The following GNA12 variants were observed in gnomAD, a reference collection of about 807,000 sequenced individuals.
The protein encoded by GNA12 is G protein subunit alpha 12.
A neutral mutation model predicts 26.0 loss-of-function variants in GNA12; 9 were observed. The ratio of observed to expected loss-of-function variants is 0.35; its 90% CI spans 0.21 to 0.60. The LOEUF is 0.60. GNA12 is among the 20% of genes least tolerant of loss of function. The pLI, the probability that GNA12 is intolerant of heterozygous loss-of-function variation, is 0.78. For synonymous variants in GNA12, 264 were observed against 219.6 expected, an observed-to-expected ratio of 1.20 and a Z score of -1.79; for missense variants, 405 against 525.8, an observed-to-expected ratio of 0.77 and a Z score of 2.25.
At chr7:2,795,404 G>C (rs964024121) in intron 1 of GNA12, among the ~76,000 whole-genome samples, 3 of 152,148 alleles carry the variant, frequency 2.0e-5, no homozygotes, top group Non-Finnish European at 4.4e-5. Flanking sequence ...GCCAAAGAGG[G>C]AGGACTGCTG....
chr7:2,838,211 G>T (rs979139928), intron 1 of GNA12, among the ~76,000 whole-genome samples: 13 of 150,170 alleles, frequency 8.7e-5, no homozygotes, highest in Non-Finnish European at 1.5e-4. Flanking sequence ...CCAGGAGACT[G>T]GGATAAGTTA....
At chr7:2,738,937 G>A (rs979352617) in intron 2 of GNA12, among the ~76,000 whole-genome samples, 2 of 152,030 alleles carry the variant, frequency 1.3e-5, no homozygotes, top group African/African-American at 2.4e-5. Context: ...CCTCGTGGCT[G>A]TGCCTGTGGA....
Position 2,814,942 on chromosome 7 carries a change from A to G in GNA12, c.310-19799T>C, listed in dbSNP as rs757662363. The G allele has an allele frequency of 6.3e-6, 10 of 1,582,432 alleles. No homozygotes were observed. The Admixed American group carries it at 1.6e-4, about 25-fold the overall frequency. ...ATTCTCCGTTTCATTTCAAATGCCTACAATACAGTAGGCGCTCTGCACTCG... is the reference window on the plus strand; with the variant it reads ...ATTCTCCGTTTCATTTCAAATGCCTGCAATACAGTAGGCGCTCTGCACTCG... On this transcript the variant is annotated intron_variant, in intron 1 of 3. Transcript: ENST00000275364.
At position 2,730,043 on chromosome 7, in the gene GNA12, G is replaced by C. The variant is rs1228936305; in HGVS notation, c.*1138C>G. On this transcript the variant is annotated 3_prime_UTR_variant, in exon 4 of 4. Coordinates refer to ENST00000275364, the MANE Select transcript of GNA12 (RefSeq NM_007353.3). ...TCAGACTTAGGGAGAGCGGCGAACA[G>C]GCACGGCTGTCCAAAGGCACTGGTG... The C allele has an allele frequency of 6.6e-6, 1 of 152,368 alleles. No homozygotes were observed. The highest frequency in any genetic ancestry group is 1.5e-5 in the Non-Finnish European group (1 of 68,076). 9.4% of individuals were successfully genotyped at this position (152,368 alleles called of 1,614,324 possible).
At position 2,825,717 on chromosome 7, in the gene GNA12, C is replaced by T. The variant is rs529343579; in HGVS notation, c.309+18136G>A. Among the ~76,000 whole-genome samples the T allele has an allele frequency of 7.9e-4, 121 of 152,228 alleles. No homozygotes were observed. The Middle Eastern group carries it at 0.01, about 13-fold the overall frequency. On this transcript the variant is annotated intron_variant, in intron 1 of 3. Transcript: ENST00000275364. ...CTGAGAAAACGTGTGCTGGCGTTTG[C>T]GTCCAGGACACTGAAAGAAGGAGGA... is the stretch of plus-strand genomic sequence containing the variant.
chr7:2,815,928 A>C (rs1372921773), intron 1 of GNA12, among the ~76,000 whole-genome samples: 2 of 152,230 alleles, frequency 1.3e-5, no homozygotes, highest in African/African-American at 4.8e-5. Context: ...AGTTCATTTA[A>C]TAGCCTTGCT....
chr7:2,752,397 C>T (rs932647845), intron 2 of GNA12, among the ~76,000 whole-genome samples: 1 of 152,196 alleles, frequency 6.6e-6, no homozygotes, highest in African/African-American at 2.4e-5. Context: ...AGGATGCCCA[C>T]TTTTACTGCT....
intron 2 of GNA12, among the ~76,000 whole-genome samples, chr7:2,745,262 C>G (rs1790711180): frequency 6.6e-6 from 1 of 152,126 alleles, no homozygotes; most frequent in Non-Finnish European, 1.5e-5. Context: ...TTAAGGGCAG[C>G]CAGAGAGAAA....
At chr7:2,737,289 G>GTTTTTTTTTTTTTTTTTT (rs11389467) in intron 2 of GNA12, among the ~76,000 whole-genome samples, 27 of 62,306 alleles carry the variant, frequency 4.3e-4, no homozygotes, top group East Asian at 1.3e-3. Context: ...TTTTTTTTTT[G>GTTTTTTTTTTTTTTTTTT]TTTTTTTTTT....
intron 2 of GNA12, chr7:2,762,284 T>G (rs1791596050): frequency 1.2e-5 from 3 of 246,458 alleles, no homozygotes; most frequent in Middle Eastern, 1.1e-3. Flanking sequence ...AAGGTGCACA[T>G]GGCGGGGCCG....
In GNA12 at chr7:2,831,719, T is replaced by TA. The variant is rs145163030; in HGVS notation, c.309+12133dup. ...CGCCCCGCCTGGAACTTCATTTTCTTAAAAAAAACACAAGTGGTCACAAAA... is the reference window on the plus strand; with the variant it reads ...CGCCCCGCCTGGAACTTCATTTTCTTAAAAAAAAACACAAGTGGTCACAAAA... On this transcript the variant is annotated intron_variant, in intron 1 of 3. Coordinates refer to ENST00000275364, the MANE Select transcript of GNA12 (RefSeq NM_007353.3). Among the ~76,000 whole-genome samples, 1,415 of 151,946 alleles carry TA rather than the reference T, an allele frequency of 9.3e-3. 16 individuals are homozygous for TA. Among genetic ancestry groups the TA allele is most frequent in the African/African-American group, 0.032 (1,323 of 41,410 alleles).
chr7:2,746,644 C>G (rs1048812892), intron 2 of GNA12, among the ~76,000 whole-genome samples: 11 of 152,138 alleles, frequency 7.2e-5, no homozygotes, highest in African/African-American at 2.7e-4. Context: ...CAAAAGCCAG[C>G]AGAAGGCAAG....
intron 2 of GNA12, among the ~76,000 whole-genome samples, chr7:2,787,380 G>A (rs1792388676): frequency 6.6e-6 from 1 of 152,188 alleles, no homozygotes; most frequent in African/African-American, 2.4e-5. Flanking sequence ...CCTTCCGGCA[G>A]CCCTCAGGCG....
intron 2 of GNA12, among the ~76,000 whole-genome samples, chr7:2,779,268 A>G (rs1369523280): frequency 4.6e-5 from 7 of 152,152 alleles, no homozygotes; most frequent in African/African-American, 1.7e-4. Flanking sequence ...GGAATGCTTG[A>G]GCCCAGGAGG....
rs1790005555 is a variant in GNA12, at chr7:2,733,495, A to AGGAAGTAC, written c.531_532insGTACTTCC (p.Ser178ValfsTer5). The stretch of plus-strand genomic sequence containing the variant: ...AAGTTGTCCAGGAAGTACTTCACCG[A>AGGAAGTAC]CTCCCCCTGTCAGGAAGGAAGAATA... On this transcript the variant is annotated frameshift_variant, in exon 3 of 4. Transcript: ENST00000275364. LOFTEE classifies it high-confidence loss of function. 6.2e-7 allele frequency: 1 copy of AGGAAGTAC among 1,612,806 alleles called. No individual in the cohort carries two copies. Among genetic ancestry groups the AGGAAGTAC allele is most frequent in the Non-Finnish European group, 8.5e-7 (1 of 1,179,406 alleles).
chr7:2,817,268 C>T (rs1793240192), intron 1 of GNA12, among the ~76,000 whole-genome samples: 1 of 152,200 alleles, frequency 6.6e-6, no homozygotes, highest in Admixed American at 6.5e-5. Context: ...CCATGCCCAG[C>T]TCATTTTTTG....
intron 2 of GNA12, among the ~76,000 whole-genome samples, chr7:2,751,220 C>T (rs1038731511): frequency 8.6e-5 from 13 of 151,070 alleles, no homozygotes; most frequent in African/African-American, 3.2e-4. Context: ...CCCATCTTCT[C>T]AAAAAAAACC....
intron 1 of GNA12, among the ~76,000 whole-genome samples, chr7:2,820,281 A>G (rs999908556): frequency 2.0e-5 from 3 of 152,138 alleles, no homozygotes; most frequent in Admixed American, 1.3e-4. Flanking sequence ...GGGGTGATGA[A>G]AATGTTTTAA....
At chr7:2,797,879 G>A (rs1792715857) in intron 1 of GNA12, among the ~76,000 whole-genome samples, 1 of 152,104 alleles carries the variant, frequency 6.6e-6, no homozygotes. Flanking sequence ...AGCAGTATCT[G>A]ACCCCCAGAA....
Sources: allele counts gnomAD v4.1 joint callset (sites outside exome capture counted in the v4.1 genomes callset), GRCh38; gene constraint gnomAD v4.1.1; transcripts MANE v1.5; gene names NCBI Gene and HGNC (gene_info 2026-07-23, HGNC 2026-07-21).